SEC14L1: variants seen among roughly 807,000 people sequenced by gnomAD.
The protein encoded by SEC14L1 is SEC14-like protein 1.
In SEC14L1, 48 loss-of-function variants were observed where a neutral mutation model predicts 85.3. The observed-to-expected ratio is 0.56, with a 90% CI of 0.45 to 0.72. The LOEUF is 0.72. Among genes scored for constraint, SEC14L1 ranks in the 30% least tolerant of loss-of-function variants. The pLI is 0.00. For missense variants in SEC14L1, 682 were observed against 921.4 expected (o/e 0.74, Z 3.36); for synonymous variants, 391 against 355.5 (o/e 1.10, Z -1.12).
chr17:77,210,586 G>A (rs1976694796), intron 14 of SEC14L1: 2 of 152,260 alleles, frequency 1.3e-5, no homozygotes, highest in African/African-American at 4.8e-5. Flanking sequence ...TGCTTGCAGG[G>A]CAGGTGGATA....
intron 3 of SEC14L1, among the ~76,000 whole-genome samples, chr17:77,160,767 A>G (rs1405971408): frequency 1.3e-5 from 2 of 152,122 alleles, no homozygotes; most frequent in Non-Finnish European, 2.9e-5. Context: ...CGTTGAGATC[A>G]TCTGTATAGC....
intron 3 of SEC14L1, among the ~76,000 whole-genome samples, chr17:77,178,534 C>G (rs1423915025): frequency 1.3e-5 from 2 of 151,606 alleles, no homozygotes; most frequent in Non-Finnish European, 2.9e-5. Context: ...AAGCAGTGGT[C>G]CCCAGCCTTT....
In SEC14L1 at chr17:77,213,061, G is replaced by A. The variant is rs887399454; in HGVS notation, c.1864-253G>A. Among the ~76,000 whole-genome samples the A allele has an allele frequency of 5.9e-5, 9 of 152,258 alleles. No individual in the cohort carries two copies. The highest frequency in any genetic ancestry group is 1.2e-4 in the Non-Finnish European group (8 of 68,042). ...TCCGTAGGTGGGGTGGGCTGGGCAGGCCTCGTGAGGGCCACGGACATGGAG... is the reference window on the plus strand; with the variant it reads ...TCCGTAGGTGGGGTGGGCTGGGCAGACCTCGTGAGGGCCACGGACATGGAG... On this transcript the variant is annotated intron_variant, in intron 15 of 16. Coordinates refer to ENST00000436233, the MANE Select transcript of SEC14L1 (RefSeq NM_001143998.2). The surrounding 1 kb of genome is among the most constrained non-coding windows in gnomAD (Gnocchi z 7.1).
chr17:77,202,941 A>T lies in SEC14L1; in HGVS notation c.1010-629A>T, dbSNP rs936323087. The stretch of plus-strand genomic sequence containing the variant: ...CTCTAAAAAAAATAAAAAAATAAAA[A>T]AAAAAAAAAAACAGAGTAGAGCCAA... On this transcript the variant is annotated intron_variant, in intron 9 of 16. Transcript: ENST00000436233. 1.3e-4 allele frequency among the ~76,000 whole-genome samples: 19 copies of T among 151,418 alleles called. 1 individual carries two copies. The highest frequency in any genetic ancestry group is 2.0e-4 in the Admixed American group (3 of 15,218).
At chr17:77,191,699 C>T (rs970018413) in intron 5 of SEC14L1, among the ~76,000 whole-genome samples, 1 of 152,102 alleles carries the variant, frequency 6.6e-6, no homozygotes, top group Non-Finnish European at 1.5e-5. Context: ...AGCGCCACCA[C>T]GCCAGGCTGA....
intron 3 of SEC14L1, among the ~76,000 whole-genome samples, chr17:77,133,363 C>T (rs974470954): frequency 2.6e-5 from 4 of 152,240 alleles, no homozygotes; most frequent in East Asian, 3.9e-4. Flanking sequence ...TGTCCTGCCA[C>T]GATGCTTCTG....
chr17:77,121,559 A>T (rs990231859), intron 3 of SEC14L1, among the ~76,000 whole-genome samples: 3 of 152,174 alleles, frequency 2.0e-5, no homozygotes, highest in African/African-American at 7.2e-5. Flanking sequence ...GGGTTTCACC[A>T]TGTTGGCCAG....
intron 3 of SEC14L1, among the ~76,000 whole-genome samples, chr17:77,108,876 G>A (rs890025050): frequency 6.8e-6 from 1 of 146,050 alleles, no homozygotes; most frequent in African/African-American, 2.6e-5. Context: ...AGGCTGAACT[G>A]CAGTGGCTTG....
rs548813342 is a variant in SEC14L1, at chr17:77,146,091, CT to C, written c.63+2433del. Reference sequence around the variant, plus strand: ...CCCCACCCCGACCCCTGCCCTGGTCCTGGGTTTGAGGATATTGGCTAGCCTG... The same window carrying C: ...CCCCACCCCGACCCCTGCCCTGGTCCGGGTTTGAGGATATTGGCTAGCCTG... On this transcript the variant is annotated intron_variant, in intron 3 of 16. Coordinates refer to ENST00000436233, the MANE Select transcript of SEC14L1 (RefSeq NM_001143998.2). Among the ~76,000 whole-genome samples the C allele has an allele frequency of 1.6e-3, 244 of 152,302 alleles. 2 individuals are homozygous for C. The highest frequency in any genetic ancestry group is 5.6e-3 in the African/African-American group (234 of 41,560).
At chr17:77,099,674 T>TGAACGTGGGAGGTGGA (rs1971722337) in intron 3 of SEC14L1, among the ~76,000 whole-genome samples, 1 of 152,116 alleles carries the variant, frequency 6.6e-6, no homozygotes, top group Admixed American at 6.6e-5. Context: ...GAGAATCACT[T>TGAACGTGGGAGGTGGA]GAACGTGGGA....
rs140880025 is a variant in SEC14L1, at chr17:77,190,890, G to T, written c.151G>T (p.Ala51Ser). The T allele has an allele frequency of 1.2e-5, 19 of 1,614,114 alleles. No individual in the cohort carries two copies. The African/African-American group carries it at 1.2e-4, about 10-fold the overall frequency. The change falls in exon 4 of 17, where the codon GCT (alanine) becomes TCT (serine). Residue 51 changes from alanine to serine, a missense_variant. Physicochemically the swap from Ala to Ser is moderately conservative, Grantham distance 99. Coordinates refer to ENST00000436233, the MANE Select transcript of SEC14L1 (RefSeq NM_001143998.2). The part of the protein sequence containing the change: ...TVNEFKSEDG[A>S]IHVIERRCKL... ...GAATGAATTCAAGAGCGAAGATGGGGCTATTCATGTCATTGAAAGGCGCTG... is the reference window on the plus strand; with the variant it reads ...GAATGAATTCAAGAGCGAAGATGGGTCTATTCATGTCATTGAAAGGCGCTG...
intron 2 of SEC14L1, among the ~76,000 whole-genome samples, chr17:77,091,128 C>G (rs1971505769): frequency 6.6e-6 from 1 of 152,264 alleles, no homozygotes; most frequent in Middle Eastern, 3.4e-3. Context: ...TGCTCTGTCT[C>G]CCAGGTTGGA....
At chr17:77,163,375 G>C (rs1444999897) in intron 3 of SEC14L1, among the ~76,000 whole-genome samples, 2 of 152,252 alleles carry the variant, frequency 1.3e-5, no homozygotes, top group African/African-American at 4.8e-5. Context: ...ATGAATTACT[G>C]TGACTCTAAG....
chr17:77,137,842 C>T (rs2143475699), upstream of SEC14L1, among the ~76,000 whole-genome samples: 1 of 152,334 alleles, frequency 6.6e-6, no homozygotes, highest in South Asian at 2.1e-4. Flanking sequence ...AACAGTATAA[C>T]CACCCAAGGG....
intron 3 of SEC14L1, among the ~76,000 whole-genome samples, chr17:77,171,868 C>A (rs995259455): frequency 3.9e-5 from 6 of 152,104 alleles, no homozygotes; most frequent in Admixed American, 1.3e-4. Flanking sequence ...GACCATACAT[C>A]TGGATGGATG....
chr17:77,197,246 G>C (rs1274785310), intron 8 of SEC14L1, among the ~76,000 whole-genome samples: 1 of 152,188 alleles, frequency 6.6e-6, no homozygotes, highest in Admixed American at 6.5e-5. Context: ...TTGTTCTGAC[G>C]GACCAGCCTC....
intron 3 of SEC14L1, among the ~76,000 whole-genome samples, chr17:77,181,641 C>T (rs546899727): frequency 3.3e-5 from 5 of 152,322 alleles, no homozygotes; most frequent in Admixed American, 2.6e-4. Context: ...AAACTCCTAA[C>T]CTCGGGTGAG....
intron 3 of SEC14L1, among the ~76,000 whole-genome samples, chr17:77,104,861 C>T (rs1386319349): frequency 6.6e-6 from 1 of 150,668 alleles, no homozygotes; most frequent in Non-Finnish European, 1.5e-5. Flanking sequence ...GTACCTGTGA[C>T]ACAGCCTCAA....
chr17:77,157,671 G>A (rs376410651), intron 3 of SEC14L1, among the ~76,000 whole-genome samples: 4 of 152,054 alleles, frequency 2.6e-5, no homozygotes, highest in African/African-American at 7.2e-5. Flanking sequence ...GGGATTACAG[G>A]CATGCGCCAC....
Sources: allele counts gnomAD v4.1 joint callset (sites outside exome capture counted in the v4.1 genomes callset), GRCh38; gene constraint gnomAD v4.1.1; non-coding constraint Gnocchi (gnomAD v3.1); transcripts MANE v1.5; gene names NCBI Gene and HGNC (gene_info 2026-07-23, HGNC 2026-07-21).